The following TNFAIP8 variants were observed in gnomAD, a reference collection of about 807,000 sequenced individuals.
The protein encoded by TNFAIP8 is TNF alpha induced protein 8.
TNFAIP8 carries 7 observed loss-of-function variants against 13.3 expected under a neutral mutation model. The ratio of observed to expected loss-of-function variants is 0.52; its 90% confidence interval spans 0.30 to 0.99. TNFAIP8 has a LOEUF of 0.99. TNFAIP8 is among the 50% of genes least tolerant of loss of function. TNFAIP8 has a pLI of 0.07. For missense variants in TNFAIP8, 258 were observed against 236.9 expected (o/e 1.09, Z -0.58); for synonymous variants, 94 against 87.6 (o/e 1.07, Z -0.41).
At chr5:119,309,012 G>A (rs1356716973) in intron 1 of TNFAIP8, among the ~76,000 whole-genome samples, 5 of 152,152 alleles carry the variant, frequency 3.3e-5, no homozygotes, top group Non-Finnish European at 7.3e-5. Context: ...TGATAAAATT[G>A]CTAAACTGTT....
chr5:119,349,912 GT>G (rs1751054397), intron 1 of TNFAIP8, among the ~76,000 whole-genome samples: 1 of 152,208 alleles, frequency 6.6e-6, no homozygotes, highest in African/African-American at 2.4e-5. Context: ...TATAGGAACA[GT>G]TTAATACAGT....
At chr5:119,345,333 A>G (rs1750862574) in intron 1 of TNFAIP8, among the ~76,000 whole-genome samples, 1 of 152,232 alleles carries the variant, frequency 6.6e-6, no homozygotes, top group Non-Finnish European at 1.5e-5. Context: ...TCCTTTAAAA[A>G]TGAAAAATAG....
At chr5:119,278,370 AGAGAGAGT>A (rs1399821224) in intron 1 of TNFAIP8, among the ~76,000 whole-genome samples, 27 of 134,744 alleles carry the variant, frequency 2.0e-4, no homozygotes, top group East Asian at 6.4e-4. Flanking sequence ...AGAGAGAGAG[AGAGAGAGT>A]GTGTGTGTGT....
At chr5:119,307,146 G>A (rs981415718) in intron 1 of TNFAIP8, among the ~76,000 whole-genome samples, 31 of 152,136 alleles carry the variant, frequency 2.0e-4, no homozygotes, top group Non-Finnish European at 3.2e-4. Context: ...ATATTAGGAA[G>A]GAGAGAAATC....
intron 1 of TNFAIP8, among the ~76,000 whole-genome samples, chr5:119,331,833 T>G (rs954383798): frequency 6.6e-6 from 1 of 152,206 alleles, no homozygotes; most frequent in Admixed American, 6.5e-5. Context: ...TAGGGAAATG[T>G]GAGAGGCCTG....
chr5:119,348,036 A>C (rs1365733411), intron 1 of TNFAIP8, among the ~76,000 whole-genome samples: 2 of 152,248 alleles, frequency 1.3e-5, no homozygotes, highest in Non-Finnish European at 1.5e-5. Flanking sequence ...AATTTTGTTC[A>C]GAAACTTGAA....
chr5:119,298,146 A>C (rs536267637), intron 1 of TNFAIP8, among the ~76,000 whole-genome samples: 1 of 152,322 alleles, frequency 6.6e-6, no homozygotes, highest in East Asian at 1.9e-4. Context: ...TGATCCTGTC[A>C]TTATGATGTT....
intron 1 of TNFAIP8, among the ~76,000 whole-genome samples, chr5:119,340,086 G>T (rs548692516): frequency 2.0e-5 from 3 of 152,180 alleles, no homozygotes; most frequent in Admixed American, 2.0e-4. Context: ...AAGTCACAGT[G>T]ACACAAGAAA....
chr5:119,377,008 A>G (rs1026897028), intron 1 of TNFAIP8, among the ~76,000 whole-genome samples: 6 of 152,092 alleles, frequency 3.9e-5, no homozygotes, highest in South Asian at 4.1e-4. Flanking sequence ...ACGTATTTAT[A>G]TATGTTTGTT....
intron 1 of TNFAIP8, among the ~76,000 whole-genome samples, chr5:119,374,642 C>G (rs1752212595): frequency 6.6e-6 from 1 of 152,318 alleles, no homozygotes; most frequent in East Asian, 1.9e-4. Flanking sequence ...TCAAGGCTGT[C>G]TGCAAAGTGA....
chr5:119,388,311 C>T (rs948396352), intron 1 of TNFAIP8, among the ~76,000 whole-genome samples: 1 of 152,182 alleles, frequency 6.6e-6, no homozygotes, highest in Admixed American at 6.5e-5. Flanking sequence ...AAAACAAATA[C>T]CTGTTTTTCT....
rs552156909 is a variant in TNFAIP8 at position 119,393,912 on chromosome 5, T to G, written c.*531T>G. On this transcript the variant is annotated 3_prime_UTR_variant, in exon 2 of 2. Coordinates refer to ENST00000504771, the MANE Select transcript of TNFAIP8 (RefSeq NM_014350.4). Reference sequence around the variant, plus strand: ...CATTCAGGATTTAAGTCTGAGGTAGTCAACCCTCAGGAAAAAAAAAATGGC... The same window carrying G: ...CATTCAGGATTTAAGTCTGAGGTAGGCAACCCTCAGGAAAAAAAAAATGGC... The G allele has an allele frequency of 6.5e-6, 1 of 154,184 alleles. No homozygotes were observed. Among genetic ancestry groups the G allele is most frequent in the Admixed American group, 6.4e-5 (1 of 15,740 alleles). The allele number at this position is 154,184 out of a possible 1,614,324, so 9.6% of individuals were successfully genotyped here. A position where few individuals can be genotyped will look rare whatever the true frequency, so the allele number is the denominator to read the frequency against.
chr5:119,392,732 G>T, intron 1 of TNFAIP8, 84 bp from the exon 2 acceptor site: 1 of 1,383,346 alleles, frequency 7.2e-7, no homozygotes, highest in Admixed American at 2.8e-5. Context: ...GAAAAAAAGT[G>T]CTCCCAAATA....
chr5:119,379,509 A>G (rs1266349310), intron 1 of TNFAIP8, among the ~76,000 whole-genome samples: 1 of 152,208 alleles, frequency 6.6e-6, no homozygotes, highest in Non-Finnish European at 1.5e-5. Context: ...TGAAGGGGGA[A>G]GGTGAAGGCA....
At chr5:119,328,531 T>TGGGA (rs2112701840) in intron 1 of TNFAIP8, among the ~76,000 whole-genome samples, 1 of 152,258 alleles carries the variant, frequency 6.6e-6, no homozygotes, top group South Asian at 2.1e-4. Flanking sequence ...GAAGTGAGAA[T>TGGGA]GGGAGACACA....
intron 1 of TNFAIP8, among the ~76,000 whole-genome samples, chr5:119,378,433 G>A (rs1419750975): frequency 1.3e-5 from 2 of 150,768 alleles, no homozygotes; most frequent in Admixed American, 6.6e-5. Flanking sequence ...ACTGGATCTA[G>A]CCTCCTGACA....
At chr5:119,340,502 T>G (rs1750700625) in intron 1 of TNFAIP8, among the ~76,000 whole-genome samples, 1 of 152,228 alleles carries the variant, frequency 6.6e-6, no homozygotes, top group Non-Finnish European at 1.5e-5. Context: ...TAATAGTTCC[T>G]CTTAAGATAC....
intron 1 of TNFAIP8, among the ~76,000 whole-genome samples, chr5:119,370,051 G>T (rs1752014595): frequency 6.6e-6 from 1 of 152,150 alleles, no homozygotes; most frequent in African/African-American, 2.4e-5. Context: ...AATGGAAAAG[G>T]GAATGTTTTA....
intron 1 of TNFAIP8, among the ~76,000 whole-genome samples, chr5:119,327,806 T>A (rs1188716284): frequency 6.6e-6 from 1 of 152,192 alleles, no homozygotes; most frequent in Non-Finnish European, 1.5e-5. Flanking sequence ...GTTATTATTA[T>A]ATTCACTTTA....
Sources: gnomAD v4.1 joint callset for allele counts (sites outside exome capture counted in the v4.1 genomes callset) on GRCh38, gnomAD v4.1.1 for gene constraint, MANE v1.5 for transcripts, NCBI Gene and HGNC (gene_info 2026-07-23, HGNC 2026-07-21) for gene names.